MCTP1: variants seen among roughly 807,000 people sequenced by gnomAD.
MCTP1 encodes the protein multiple C2 and transmembrane domain containing 1, also known as multiple C2 and transmembrane domain-containing protein 1.
In MCTP1, 69 loss-of-function variants were observed where a neutral mutation model predicts 120.6. The observed-to-expected ratio is 0.57, with a 90% CI of 0.47 to 0.70. MCTP1 has a LOEUF of 0.70. MCTP1 is among the 30% of genes least tolerant of loss of function. MCTP1 has a pLI of 0.00. For synonymous variants in MCTP1, 529 were observed against 493.1 expected, an observed-to-expected ratio of 1.07 and a Z score of -0.96; for missense variants, 1,203 against 1,248.8, an observed-to-expected ratio of 0.96 and a Z score of 0.55.
chr5:95,227,586 T>C lies in MCTP1; in HGVS notation c.720+56270A>G, dbSNP rs962357239. 3.3e-5 allele frequency among the ~76,000 whole-genome samples: 5 copies of C among 152,294 alleles called. No homozygotes were observed. In the East Asian group the frequency reaches 9.6e-4, roughly 29 times the overall value. Reference sequence around the variant, plus strand: ...AACTTTATAGGAATCATAGGAATCATAACAAATAGTTTATAACATCTTCTA... The same window carrying C: ...AACTTTATAGGAATCATAGGAATCACAACAAATAGTTTATAACATCTTCTA... On this transcript the variant is annotated intron_variant, in intron 1 of 22. Transcript: ENST00000515393.
intron 12 of MCTP1, among the ~76,000 whole-genome samples, chr5:94,882,002 A>T (rs2153365122): frequency 6.6e-6 from 1 of 152,214 alleles, no homozygotes; most frequent in Non-Finnish European, 1.5e-5. Flanking sequence ...TGTATGTATA[A>T]TTTACTCTCA....
chr5:94,967,059 C>T (rs900476650), intron 2 of MCTP1, among the ~76,000 whole-genome samples: 1 of 152,178 alleles, frequency 6.6e-6, no homozygotes, highest in Non-Finnish European at 1.5e-5. Context: ...TTTAGTTTGG[C>T]TATTATGTAA....
intron 18 of MCTP1, among the ~76,000 whole-genome samples, chr5:94,780,870 G>C (rs888823269): frequency 9.9e-5 from 15 of 152,120 alleles, no homozygotes; most frequent in Non-Finnish European, 1.8e-4. Flanking sequence ...GATCAGATAA[G>C]CTTTCATGTT....
chr5:94,717,874 C>T (rs1430710918), intron 19 of MCTP1, among the ~76,000 whole-genome samples: 2 of 151,718 alleles, frequency 1.3e-5, no homozygotes, highest in Admixed American at 1.3e-4. Flanking sequence ...TCAGCGAGGA[C>T]ACAAATGGGA....
intron 2 of MCTP1, among the ~76,000 whole-genome samples, chr5:95,015,546 A>G (rs945437903): frequency 6.6e-6 from 1 of 151,990 alleles, no homozygotes; most frequent in Non-Finnish European, 1.5e-5. Context: ...CTAGCTTTTG[A>G]TTTCTGTATT....
At chr5:95,088,681 C>T (rs1755623445) in intron 1 of MCTP1, among the ~76,000 whole-genome samples, 1 of 152,302 alleles carries the variant, frequency 6.6e-6, no homozygotes, top group South Asian at 2.1e-4. Flanking sequence ...TATTTTTACA[C>T]CAAACATGCA....
At chr5:95,278,346 A>G (rs1026818280) in intron 1 of MCTP1, among the ~76,000 whole-genome samples, 6 of 152,240 alleles carry the variant, frequency 3.9e-5, no homozygotes, top group Admixed American at 2.6e-4. Context: ...TGTTAAGTGA[A>G]CAAATGACTT....
intron 6 of MCTP1, among the ~76,000 whole-genome samples, chr5:94,928,502 G>T (rs1196103503): frequency 6.6e-6 from 1 of 152,150 alleles, no homozygotes; most frequent in African/African-American, 2.4e-5. Flanking sequence ...TCACATAAGT[G>T]TAACTCTTTG....
At chr5:94,724,203 T>C (rs901918449) in intron 19 of MCTP1, among the ~76,000 whole-genome samples, 2 of 152,148 alleles carry the variant, frequency 1.3e-5, no homozygotes, top group Non-Finnish European at 2.9e-5. Flanking sequence ...CAGATGGACT[T>C]GTTGTCAGGA....
chr5:94,985,448 G>A (rs561068032), intron 2 of MCTP1, among the ~76,000 whole-genome samples: 1 of 152,174 alleles, frequency 6.6e-6, no homozygotes, highest in South Asian at 2.1e-4. Flanking sequence ...ATATGGAAGT[G>A]CAGTATAGCG....
Position 94,870,941 on chromosome 5 carries a change from C to G in MCTP1, c.2172G>C (p.Leu724Phe), listed in dbSNP as rs1797735332. Residue 724 changes from leucine to phenylalanine, a missense_variant, in exon 15 of 23, where the codon TTG becomes TTC. Leu to Phe is a conservative substitution (Grantham distance 22, BLOSUM62 0). Around this residue, in one of 2 missense-constraint regions of MCTP1, gnomAD observed 740 missense variants for 871.1 expected, o/e 0.85. Coordinates refer to ENST00000515393, the MANE Select transcript of MCTP1 (RefSeq NM_024717.7). ...TTGGCCCTGTCAGCTGCTTGTTTTT[C>G]AAGACGTAGGCTTTCTGTTCACCAT... is the stretch of plus-strand genomic sequence containing the variant. ...IQNGEQKAYV[L>F]KNKQLTGPTK... 1 of 1,613,158 alleles carries G rather than the reference C, an allele frequency of 6.2e-7. No homozygotes were observed. The highest frequency in any genetic ancestry group is 8.5e-7 in the Non-Finnish European group (1 of 1,179,446).
chr5:95,212,815 C>G (rs528527453), intron 1 of MCTP1, among the ~76,000 whole-genome samples: 91 of 151,954 alleles, frequency 6.0e-4, no homozygotes, highest in African/African-American at 1.5e-3. Context: ...ATTCAACAAC[C>G]CTTCATGTTA....
chr5:95,152,415 G>T (rs994897157), intron 1 of MCTP1, among the ~76,000 whole-genome samples: 2 of 152,064 alleles, frequency 1.3e-5, no homozygotes, highest in Non-Finnish European at 2.9e-5. Flanking sequence ...TATATTCTGA[G>T]CCCTAATTCT....
At position 95,213,119 on chromosome 5, in the gene MCTP1, C is replaced by T. The variant is rs201068105; in HGVS notation, c.720+70737G>A. ...TGATTGTATATCTAGAAAACCCCATCGTCTCAGCCCAAAATCTCCTTAAGC... is the reference window on the plus strand; with the variant it reads ...TGATTGTATATCTAGAAAACCCCATTGTCTCAGCCCAAAATCTCCTTAAGC... On this transcript the variant is annotated intron_variant, in intron 1 of 22. Transcript: ENST00000515393. Among the ~76,000 whole-genome samples the T allele has an allele frequency of 9.1e-3, 1,378 of 152,074 alleles. 14 individuals carry two copies. The highest frequency in any genetic ancestry group is 0.052 in the East Asian group (271 of 5,168).
At chr5:94,972,048 A>G (rs1362195045) in intron 2 of MCTP1, among the ~76,000 whole-genome samples, 1 of 152,144 alleles carries the variant, frequency 6.6e-6, no homozygotes, top group Non-Finnish European at 1.5e-5. Flanking sequence ...TAGATTATTT[A>G]GAGCCTTCTG....
intron 2 of MCTP1, among the ~76,000 whole-genome samples, chr5:94,977,727 C>T (rs1394680898): frequency 6.6e-6 from 1 of 152,030 alleles, no homozygotes; most frequent in East Asian, 1.9e-4. Flanking sequence ...TAGTCTTCAA[C>T]GAATAGCTTT....
At chr5:95,214,812 C>G (rs1375877829) in intron 1 of MCTP1, among the ~76,000 whole-genome samples, 4 of 132,470 alleles carry the variant, frequency 3.0e-5, no homozygotes, top group Non-Finnish European at 6.0e-5. Context: ...GGGAACTGAA[C>G]AATGAGAACA....
At chr5:95,271,170 C>T (rs1001179438) in intron 1 of MCTP1, among the ~76,000 whole-genome samples, 5 of 152,086 alleles carry the variant, frequency 3.3e-5, no homozygotes, top group Non-Finnish European at 7.4e-5. Context: ...GTAAATACAC[C>T]ATTCAGGATA....
chr5:94,883,939 T>C (rs528286489), intron 12 of MCTP1, among the ~76,000 whole-genome samples: 2 of 152,348 alleles, frequency 1.3e-5, no homozygotes, highest in South Asian at 4.1e-4. Flanking sequence ...TCTCCAACTG[T>C]ATATAAAACT....
Sources: allele counts gnomAD v4.1 joint callset (sites outside exome capture counted in the v4.1 genomes callset), GRCh38; gene constraint gnomAD v4.1.1; regional missense constraint gnomAD v4.1.1; transcripts MANE v1.5; gene names NCBI Gene and HGNC (gene_info 2026-07-23, HGNC 2026-07-21).